PARN: variants seen among roughly 807,000 people sequenced by gnomAD.
The protein encoded by PARN is poly(A)-specific ribonuclease PARN.
PARN carries 71 observed loss-of-function variants against 102.8 expected under a neutral mutation model. The ratio of observed to expected loss-of-function variants is 0.69; its 90% CI spans 0.57 to 0.84. PARN has a LOEUF of 0.84. Ranked by LOEUF, PARN falls within the 40% of genes least tolerant of loss-of-function variation. The pLI, the probability that PARN is intolerant of heterozygous loss-of-function variation, is 0.00. For synonymous variants in PARN, 261 were observed against 252.9 expected (o/e 1.03, Z -0.30); for missense variants, 782 against 760.9 (o/e 1.03, Z -0.33).
At chr16:14,548,659 G>C (rs981082309) in intron 21 of PARN, among the ~76,000 whole-genome samples, 4 of 152,098 alleles carry the variant, frequency 2.6e-5, no homozygotes, top group Non-Finnish European at 5.9e-5. Flanking sequence ...AAGAGAGCCA[G>C]AGAAAACATC....
chr16:14,610,363 C>A (rs1488776738), intron 7 of PARN, among the ~76,000 whole-genome samples: 1 of 151,376 alleles, frequency 6.6e-6, no homozygotes, highest in Non-Finnish European at 1.5e-5. Context: ...ATCCCAGCTA[C>A]TCTGGAGGCT....
intron 21 of PARN, among the ~76,000 whole-genome samples, chr16:14,490,188 CAAAG>C (rs920870221): frequency 5.9e-5 from 9 of 152,092 alleles, no homozygotes; most frequent in Admixed American, 1.3e-4. Context: ...AAAAATAAAA[CAAAG>C]AAAGAGAACT....
chr16:14,585,078 T>A (rs1969760115), intron 14 of PARN, among the ~76,000 whole-genome samples: 1 of 152,202 alleles, frequency 6.6e-6, no homozygotes. Context: ...AAGTTCTAGA[T>A]TCACCTGGAT....
At chr16:14,523,049 G>A (rs1167910149) in intron 21 of PARN, among the ~76,000 whole-genome samples, 1 of 151,918 alleles carries the variant, frequency 6.6e-6, no homozygotes, top group Non-Finnish European at 1.5e-5. Flanking sequence ...GAAGTAAAAG[G>A]ATGAAAAAGA....
intron 21 of PARN, among the ~76,000 whole-genome samples, chr16:14,529,120 G>A (rs1348154864): frequency 6.6e-6 from 1 of 152,288 alleles, no homozygotes; most frequent in Non-Finnish European, 1.5e-5. Context: ...CCCTGAGCGA[G>A]TGCCTAACCA....
At position 14,562,024 on chromosome 16, in the gene PARN, C is replaced by G. The variant is rs540391248; in HGVS notation, c.1263-6315G>C. Among the ~76,000 whole-genome samples, 19 of 151,482 alleles carry G rather than the reference C, an allele frequency of 1.3e-4. No individual in the cohort carries two copies. The East Asian group carries it at 2.5e-3, about 20-fold the overall frequency. Reference sequence around the variant, plus strand: ...AAAATTAGCCAGGGGTGGTGGCGCACGCCTGTAATCCCAGCTACTCGGGAG... The same window carrying G: ...AAAATTAGCCAGGGGTGGTGGCGCAGGCCTGTAATCCCAGCTACTCGGGAG... On this transcript the variant is annotated intron_variant, in intron 18 of 23. Transcript: ENST00000437198.
chr16:14,458,931 T>C (rs1334037519), intron 22 of PARN, among the ~76,000 whole-genome samples: 1 of 152,102 alleles, frequency 6.6e-6, no homozygotes, highest in South Asian at 2.1e-4. Context: ...ATCCCCCACA[T>C]ACCGAGGAGT....
rs1481131348 is a variant in PARN, at chr16:14,582,212, C to A, written c.1161G>T (p.Gly387=). The part of the protein sequence containing the change: ...HEAGYDAYIT[G]LCFISMANYL... ...AATTGGCCATGGAGATGAAGCACAG[C>A]CCTGTGATGTAGGCATCGTAGCCTG... Residue 387 remains glycine (G), a synonymous_variant, in exon 17 of 24, where the codon GGG becomes GGT. Transcript: ENST00000437198. 6.2e-7 allele frequency: 1 copy of A among 1,612,592 alleles called. No homozygotes were observed. Among genetic ancestry groups the A allele is most frequent in the Admixed American group, 1.7e-5 (1 of 59,996 alleles).
intron 9 of PARN, among the ~76,000 whole-genome samples, chr16:14,606,882 C>T (rs1167884396): frequency 6.6e-6 from 1 of 151,542 alleles, no homozygotes; most frequent in Non-Finnish European, 1.5e-5. Flanking sequence ...CCCTGGTTCA[C>T]GCCATTCTCC....
chr16:14,622,429 A>C (rs1282143671), intron 5 of PARN, among the ~76,000 whole-genome samples: 1 of 152,268 alleles, frequency 6.6e-6, no homozygotes, highest in East Asian at 1.9e-4. Context: ...CAAACAAATT[A>C]TACGTATCCA....
chr16:14,623,085 CAG>C (rs918517931), intron 5 of PARN, among the ~76,000 whole-genome samples: 5 of 145,864 alleles, frequency 3.4e-5, no homozygotes. Flanking sequence ...GCCTTGGTGA[CAG>C]AGACTCTGTC....
chr16:14,577,202 T>G (rs1969197928), intron 18 of PARN, among the ~76,000 whole-genome samples: 1 of 152,182 alleles, frequency 6.6e-6, no homozygotes, highest in Non-Finnish European at 1.5e-5. Flanking sequence ...AAATTAATCT[T>G]CAGAAAATCT....
intron 3 of PARN, 118 bp downstream of exon 3, chr16:14,628,054 G>C (rs1378747920): frequency 1.0e-5 from 7 of 696,824 alleles, no homozygotes; most frequent in Non-Finnish European, 1.5e-5. Flanking sequence ...GGCTAGGTTT[G>C]AGGAGAAAAT....
chr16:14,453,387 T>C (rs1961549329), intron 22 of PARN, among the ~76,000 whole-genome samples: 1 of 152,192 alleles, frequency 6.6e-6, no homozygotes, highest in Non-Finnish European at 1.5e-5. Flanking sequence ...TACAAATACC[T>C]TTTTCCATGA....
intron 5 of PARN, among the ~76,000 whole-genome samples, chr16:14,621,326 T>C (rs1013604538): frequency 7.9e-5 from 12 of 152,198 alleles, no homozygotes; most frequent in African/African-American, 2.9e-4. Context: ...AACATCCTAC[T>C]TTCCTTTATC....
chr16:14,597,731 C>T lies in PARN; in HGVS notation c.840+2173G>A, dbSNP rs189172277. Among the ~76,000 whole-genome samples, 160 of 152,174 alleles carry T rather than the reference C, an allele frequency of 1.1e-3. 1 individual carries two copies. The highest frequency in any genetic ancestry group is 5.6e-4 in the Non-Finnish European group (38 of 68,002). On this transcript the variant is annotated intron_variant, in intron 12 of 23. Transcript: ENST00000437198. The stretch of plus-strand genomic sequence containing the variant: ...AAAAAAATTGATCGACATCATGAAC[C>T]ATCATTTCTGTGGTATTCTTGCCAA...
intron 21 of PARN, among the ~76,000 whole-genome samples, chr16:14,534,267 G>A (rs548757076): frequency 6.7e-6 from 1 of 149,562 alleles, no homozygotes; most frequent in South Asian, 2.1e-4. Context: ...AATACTGCAG[G>A]TTTCAAATGA....
intron 22 of PARN, among the ~76,000 whole-genome samples, chr16:14,470,437 G>GATGATGATTATT (rs369121377): frequency 4.1e-5 from 6 of 147,152 alleles, no homozygotes; most frequent in African/African-American, 1.0e-4. Flanking sequence ...GAGTTTGGAT[G>GATGATGATTATT]ATTATTATTA....
chr16:14,614,404 C>G (rs1367107865), intron 6 of PARN, among the ~76,000 whole-genome samples: 1 of 152,212 alleles, frequency 6.6e-6, no homozygotes, highest in African/African-American at 2.4e-5. Flanking sequence ...TGCTGGTTAT[C>G]CTTGAGGATA....
Sources: gnomAD v4.1 joint callset for allele counts (sites outside exome capture counted in the v4.1 genomes callset) on GRCh38, gnomAD v4.1.1 for gene constraint, MANE v1.5 for transcripts, NCBI Gene and HGNC (gene_info 2026-07-23, HGNC 2026-07-21) for gene names.